Variants in RAB3GAP1 observed in about 807,000 individuals in gnomAD.
The protein encoded by RAB3GAP1 is rab3 GTPase-activating protein catalytic subunit.
Under a neutral mutation model 130.7 loss-of-function variants are expected in RAB3GAP1, and 86 were observed. The ratio of observed to expected loss-of-function variants is 0.66; its 90% confidence interval spans 0.55 to 0.79. RAB3GAP1 has a LOEUF of 0.79. RAB3GAP1 is among the 30% of genes least tolerant of loss of function. RAB3GAP1 has a pLI of 0.00. For missense variants in RAB3GAP1, 1,029 were observed against 1,169.4 expected (o/e 0.88, Z 1.75); for synonymous variants, 367 against 401.7 (o/e 0.91, Z 1.03).
intron 3 of RAB3GAP1, among the ~76,000 whole-genome samples, chr2:135,078,352 T>A (rs1310799705): frequency 6.6e-6 from 1 of 152,132 alleles, no homozygotes; most frequent in Non-Finnish European, 1.5e-5. Flanking sequence ...TAAAGAAGGA[T>A]TTTTTCTTTT....
At chr2:135,066,909 A>G (rs981803031) in intron 3 of RAB3GAP1, among the ~76,000 whole-genome samples, 2 of 152,222 alleles carry the variant, frequency 1.3e-5, no homozygotes, top group African/African-American at 4.8e-5. Context: ...TGAAAAATTC[A>G]TGGAAGAAGA....
Position 135,133,977 on chromosome 2 carries a change from G to A in RAB3GAP1, c.1443G>A (p.Trp481Ter). Residue 481 changes from tryptophan to a stop codon, truncating the protein, a stop_gained, in exon 15 of 24, where the codon TGG (tryptophan) becomes TGA (stop). Coordinates refer to ENST00000264158, the MANE Select transcript of RAB3GAP1 (RefSeq NM_012233.3). LOFTEE classifies it high-confidence loss of function. The stretch of plus-strand genomic sequence containing the variant: ...GGTTGAAAGGAGTGGCACACCTCTG[G>A]CAGGAATTTGTTCTTGAAATGCGTT... Reference protein sequence around the residue: ...HGGLKGVAHLWQEFVLEMRFR... With the variant: ...HGGLKGVAHL The A allele has an allele frequency of 6.2e-7, 1 of 1,613,896 alleles. No homozygotes were observed. Among genetic ancestry groups the A allele is most frequent in the Non-Finnish European group, 8.5e-7 (1 of 1,179,834 alleles).
chr2:135,162,734 C>T lies in RAB3GAP1; in HGVS notation c.2387-14C>T. The T allele has an allele frequency of 6.2e-7, 1 of 1,608,780 alleles. No homozygotes were observed. Among genetic ancestry groups the T allele is most frequent in the African/African-American group, 1.3e-5 (1 of 74,910 alleles). ...TAATTTATTTAATGCTGGCTTCAAT[C>T]TTTTCTAAAATAGAAAGTCTCGAAA... On this transcript the variant is annotated splice_polypyrimidine_tract_variant and intron_variant, in intron 20 of 23. Coordinates refer to ENST00000264158, the MANE Select transcript of RAB3GAP1 (RefSeq NM_012233.3).
Position 135,168,826 on chromosome 2 carries a change from T to A in RAB3GAP1, c.*45T>A, listed in dbSNP as rs1329616985. Reference sequence around the variant, plus strand: ...TGGTGGCTTCAGAGACAGTGCTGCCTCCTCCTGAGGGAGGGAAGGTACCAG... The same window carrying A: ...TGGTGGCTTCAGAGACAGTGCTGCCACCTCCTGAGGGAGGGAAGGTACCAG... On this transcript the variant is annotated 3_prime_UTR_variant, in exon 24 of 24. Transcript: ENST00000264158. 1.3e-6 allele frequency: 2 copies of A among 1,535,266 alleles called. No homozygotes were observed. Among genetic ancestry groups the A allele is most frequent in the Admixed American group, 3.3e-5 (2 of 59,910 alleles).
At chr2:135,156,777 T>C (rs539701688) in intron 19 of RAB3GAP1, among the ~76,000 whole-genome samples, 1 of 152,260 alleles carries the variant, frequency 6.6e-6, no homozygotes, top group Admixed American at 6.5e-5. Flanking sequence ...AGGTATTAGC[T>C]AGTGTAATTA....
intron 4 of RAB3GAP1, among the ~76,000 whole-genome samples, chr2:135,093,267 A>G (rs993088272): frequency 6.6e-6 from 1 of 152,226 alleles, no homozygotes; most frequent in African/African-American, 2.4e-5. Context: ...CAGAGTTGAC[A>G]TATCTCTAAA....
Position 135,135,887 on chromosome 2 carries a change from T to TA in RAB3GAP1, c.1879dup (p.Thr627AsnfsTer5), listed in dbSNP as rs1406453006. On this transcript the variant is annotated frameshift_variant, in exon 17 of 24. Transcript: ENST00000264158. LOFTEE classifies it high-confidence loss of function. ...GACGGCTCTATCAGCATGGGAAACT[T>TA]ACACTGCTGCATAATGGAGAACCTC... The TA allele has an allele frequency of 1.2e-6, 2 of 1,614,140 alleles. No individual in the cohort carries two copies. Among genetic ancestry groups the TA allele is most frequent in the Non-Finnish European group, 1.7e-6 (2 of 1,179,956 alleles).
At chr2:135,118,776 G>C (rs1691103460) in intron 7 of RAB3GAP1, among the ~76,000 whole-genome samples, 1 of 152,068 alleles carries the variant, frequency 6.6e-6, no homozygotes, top group Admixed American at 6.6e-5. Flanking sequence ...ACTGGTCTTA[G>C]AATCTTGGGT....
At position 135,113,218 on chromosome 2, in the gene RAB3GAP1, A is replaced by G. The variant is rs1690869760; in HGVS notation, c.430A>G (p.Lys144Glu). The stretch of plus-strand genomic sequence containing the variant: ...CAGTGACGCTGTTCTCAGCGAATCT[A>G]AGTGCAACCTTCTTCTGAGTTCTGT... ...AHSDAVLSES[K>E]CNLLLSSVSI... Residue 144 changes from lysine (K) to glutamate (E), a missense_variant, in exon 6 of 24, where the codon AAG (lysine) becomes GAG (glutamate). This residue lies in a region of RAB3GAP1 where 510 missense variants were observed against 532.1 expected (regional missense o/e 0.96). Coordinates refer to ENST00000264158, the MANE Select transcript of RAB3GAP1 (RefSeq NM_012233.3). The G allele has an allele frequency of 6.2e-7, 1 of 1,614,052 alleles. No individual in the cohort carries two copies. Among genetic ancestry groups the G allele is most frequent in the Admixed American group, 1.7e-5 (1 of 60,002 alleles).
intron 7 of RAB3GAP1, among the ~76,000 whole-genome samples, chr2:135,117,490 C>A: frequency 1.3e-5 from 2 of 151,318 alleles, no homozygotes; most frequent in African/African-American, 4.9e-5. Flanking sequence ...TCTGCTTCTT[C>A]TTCTGCTTCT....
chr2:135,052,534 C>T (rs926002640), intron 2 of RAB3GAP1, 49 bp downstream of exon 2: 2 of 1,605,378 alleles, frequency 1.2e-6, no homozygotes, highest in Non-Finnish European at 8.5e-7. Flanking sequence ...CCCTGGCGTC[C>T]CCTAGCCGCT....
intron 3 of RAB3GAP1, among the ~76,000 whole-genome samples, chr2:135,068,928 G>A (rs932439148): frequency 6.6e-6 from 1 of 152,156 alleles, no homozygotes; most frequent in East Asian, 1.9e-4. Flanking sequence ...GGCTGGGTAG[G>A]GATCACATTT....
intron 3 of RAB3GAP1, among the ~76,000 whole-genome samples, chr2:135,072,358 G>A (rs763625495): frequency 3.3e-5 from 5 of 152,200 alleles, no homozygotes; most frequent in Non-Finnish European, 7.3e-5. Flanking sequence ...AGTATCATTT[G>A]TAGGTGAAAC....
At chr2:135,088,480 G>C (rs1553441452) in intron 3 of RAB3GAP1, among the ~76,000 whole-genome samples, 1 of 151,964 alleles carries the variant, frequency 6.6e-6, no homozygotes, top group Non-Finnish European at 1.5e-5. Flanking sequence ...CTTGAGGTCA[G>C]GAGTTCAAGA....
At chr2:135,083,454 T>A (rs995320853) in intron 3 of RAB3GAP1, among the ~76,000 whole-genome samples, 16 of 152,114 alleles carry the variant, frequency 1.1e-4, no homozygotes, top group African/African-American at 3.6e-4. Context: ...TGAGAAACAC[T>A]TGTTACTTTT....
chr2:135,105,856 A>G (rs1050678671), intron 5 of RAB3GAP1, among the ~76,000 whole-genome samples: 3 of 148,258 alleles, frequency 2.0e-5, no homozygotes, highest in African/African-American at 7.6e-5. Flanking sequence ...CCCGTCTGGG[A>G]TGTGAGGAGC....
At chr2:135,054,542 T>C (rs1688959133) in intron 2 of RAB3GAP1, among the ~76,000 whole-genome samples, 1 of 152,204 alleles carries the variant, frequency 6.6e-6, no homozygotes, top group South Asian at 2.1e-4. Context: ...AAATGTGAAC[T>C]GTAGTTTTTT....
downstream of RAB3GAP1, chr2:135,175,365 G>A (rs1692979244): frequency 6.6e-6 from 1 of 152,222 alleles, no homozygotes; most frequent in Non-Finnish European, 1.5e-5. Context: ...GCTCCCAGGA[G>A]CTGGCATAGA....
At chr2:135,134,639 T>C (rs1012822630) in intron 15 of RAB3GAP1, among the ~76,000 whole-genome samples, 1 of 152,224 alleles carries the variant, frequency 6.6e-6, no homozygotes, top group Non-Finnish European at 1.5e-5. Flanking sequence ...TTTTGAGCAA[T>C]ATAAAATGAT....
Sources: gnomAD v4.1 joint callset for allele counts (sites outside exome capture counted in the v4.1 genomes callset) on GRCh38, gnomAD v4.1.1 for gene constraint, gnomAD v4.1.1 regional missense constraint, MANE v1.5 for transcripts, NCBI Gene and HGNC (gene_info 2026-07-23, HGNC 2026-07-21) for gene names.